The following SASH1 variants were observed in gnomAD, a reference collection of about 807,000 sequenced individuals.
SASH1 encodes SAM and SH3 domain containing 1, also known as SAM and SH3 domain-containing protein 1.
Under a neutral mutation model 125.2 loss-of-function variants are expected in SASH1, and 44 were observed. That is an observed-to-expected ratio of 0.35 (90% CI 0.28 to 0.45). The LOEUF is 0.45. Ranked by LOEUF, SASH1 falls within the 20% of genes least tolerant of loss-of-function variation. The probability of loss-of-function intolerance (pLI) is 1.00; values close to 1 mark genes in which losing one functional copy is unlikely to be tolerated. For missense variants in SASH1, 1,426 were observed against 1,614.5 expected (o/e 0.88, Z 2.00); for synonymous variants, 639 against 649.1 (o/e 0.98, Z 0.24).
intron 1 of SASH1, among the ~76,000 whole-genome samples, chr6:148,326,376 A>ATATATATATATATATACATTCTTTTCTT (rs1582968893): frequency 5.2e-5 from 2 of 38,316 alleles, no homozygotes; most frequent in African/African-American, 1.7e-4. Flanking sequence ...ATATATATAC[A>ATATATATATATATATACATTCTTTTCTT]TTCTTTTCTT....
chr6:148,239,704 CT>C, the SASH1 span, among the ~76,000 whole-genome samples: 118,683 of 146,974 alleles, frequency 0.81, 48,032 homozygotes, highest in African/African-American at 0.91. Context: ...TATAGATCGG[CT>C]TTTTTTTTTT....
At chr6:148,310,899 G>A (rs1780308050) in intron 1 of SASH1, among the ~76,000 whole-genome samples, 2 of 152,076 alleles carry the variant, frequency 1.3e-5, no homozygotes, top group African/African-American at 4.8e-5. Flanking sequence ...ATAGAAAATG[G>A]TGTAGAAAGT....
intron 1 of SASH1, among the ~76,000 whole-genome samples, chr6:148,388,412 G>C (rs1160960757): frequency 1.3e-5 from 2 of 152,214 alleles, no homozygotes; most frequent in Admixed American, 6.5e-5. Flanking sequence ...TGTCAGTCCA[G>C]GCTGTGGGCT....
the SASH1 span, among the ~76,000 whole-genome samples, chr6:148,244,167 C>G: frequency 2.6e-5 from 4 of 152,194 alleles, no homozygotes; most frequent in Admixed American, 2.6e-4. Flanking sequence ...ACCATCTTCC[C>G]CCTTTCCCAG....
At chr6:148,530,117 T>A (rs1184104631) in intron 12 of SASH1, among the ~76,000 whole-genome samples, 1 of 152,164 alleles carries the variant, frequency 6.6e-6, no homozygotes, top group African/African-American at 2.4e-5. Context: ...TGTGTTTTTT[T>A]AAAAAAACTT....
At chr6:148,369,971 A>AAAAAAAAAAAAAAAAAAAG in intron 1 of SASH1, among the ~76,000 whole-genome samples, 1 of 148,944 alleles carries the variant, frequency 6.7e-6, no homozygotes, top group African/African-American at 2.4e-5. Context: ...AAAAACAAAA[A>AAAAAAAAAAAAAAAAAAAG]AAAAAAAAAA....
chr6:148,421,166 A>G (rs191435376), intron 2 of SASH1, among the ~76,000 whole-genome samples: 1,623 of 109,372 alleles, frequency 0.015, 37 homozygotes, highest in South Asian at 0.023. Context: ...AGAAAGAAAG[A>G]AAGAAAGAAA....
intron 1 of SASH1, among the ~76,000 whole-genome samples, chr6:148,344,566 A>G (rs1335272447): frequency 2.0e-5 from 3 of 152,086 alleles, no homozygotes; most frequent in Non-Finnish European, 4.4e-5. Context: ...ATGTATATAA[A>G]TATGCATGCA....
At chr6:148,322,835 G>A (rs917121759) in intron 1 of SASH1, among the ~76,000 whole-genome samples, 9 of 151,620 alleles carry the variant, frequency 5.9e-5, no homozygotes, top group African/African-American at 1.9e-4. Context: ...TTACACAGAG[G>A]GGTTTCATCC....
At chr6:148,378,775 G>T (rs906595640) in intron 1 of SASH1, among the ~76,000 whole-genome samples, 17 of 152,226 alleles carry the variant, frequency 1.1e-4, no homozygotes, top group African/African-American at 4.1e-4. Flanking sequence ...TCACTGTTCA[G>T]CCTCTTCCAT....
the SASH1 span, among the ~76,000 whole-genome samples, chr6:148,213,914 A>G: frequency 1.3e-5 from 2 of 152,206 alleles, no homozygotes; most frequent in African/African-American, 4.8e-5. Flanking sequence ...ATTATTTTCT[A>G]AAACTAAATG....
chr6:148,312,674 A>T (rs1780363668), intron 1 of SASH1, among the ~76,000 whole-genome samples: 1 of 152,246 alleles, frequency 6.6e-6, no homozygotes, highest in South Asian at 2.1e-4. Flanking sequence ...CTGAATAAAA[A>T]TATGCTCTGA....
chr6:148,269,839 G>A (rs1779022117), upstream of SASH1, among the ~76,000 whole-genome samples: 1 of 152,122 alleles, frequency 6.6e-6, no homozygotes, highest in Non-Finnish European at 1.5e-5. Context: ...AATCATAGCT[G>A]ATAAATGAAA....
At position 148,364,871 on chromosome 6, in the gene SASH1, T is replaced by G. The variant is rs377725796; in HGVS notation, c.156+21648T>G. Reference sequence around the variant, plus strand: ...GGCACAGTGCTTCATGCCTGTAATCTCAGCACTTTGGGAGGCTTAGGAAGA... The same window carrying G: ...GGCACAGTGCTTCATGCCTGTAATCGCAGCACTTTGGGAGGCTTAGGAAGA... On this transcript the variant is annotated intron_variant, in intron 1 of 19. Transcript: ENST00000367467. 6.6e-5 allele frequency among the ~76,000 whole-genome samples: 10 copies of G among 152,212 alleles called. 1 individual carries two copies. Among genetic ancestry groups the G allele is most frequent in the African/African-American group, 1.9e-4 (8 of 41,538 alleles).
At position 148,527,500 on chromosome 6, in the gene SASH1, T is replaced by C; in HGVS notation, c.1332T>C (p.Thr444=). ...ACAAAGAAGTCATCAAATCACCTAC[T>C]GCCTCTCGCATCTCTCTTGGGAAAA... is the stretch of plus-strand genomic sequence containing the variant. ...FVYKEVIKSP[T]ASRISLGKKV... The change falls in exon 12 of 20, where the codon ACT becomes ACC. Residue 444 remains threonine, a synonymous_variant. Coordinates refer to ENST00000367467, the MANE Select transcript of SASH1 (RefSeq NM_015278.5). 2 of 1,610,302 alleles carry C rather than the reference T, an allele frequency of 1.2e-6. No homozygotes were observed. Among genetic ancestry groups the C allele is most frequent in the Non-Finnish European group, 1.7e-6 (2 of 1,178,880 alleles).
intron 2 of SASH1, among the ~76,000 whole-genome samples, chr6:148,402,810 C>T (rs189259648): frequency 6.7e-6 from 1 of 150,364 alleles, no homozygotes; most frequent in South Asian, 2.1e-4. Context: ...AGGGTTTCAC[C>T]ATGTTAGCCA....
chr6:148,197,022 G>A, the SASH1 span, among the ~76,000 whole-genome samples: 1 of 152,220 alleles, frequency 6.6e-6, no homozygotes, highest in East Asian at 1.9e-4. Context: ...AGAGAATGGA[G>A]CAGATCCTGG....
intron 2 of SASH1, among the ~76,000 whole-genome samples, chr6:148,412,857 C>A (rs1314733506): frequency 2.0e-5 from 3 of 152,100 alleles, no homozygotes; most frequent in African/African-American, 7.2e-5. Flanking sequence ...GAGAAAGGGT[C>A]ATAGGAAAAT....
At chr6:148,352,466 A>T (rs755096598) in intron 1 of SASH1, among the ~76,000 whole-genome samples, 15 of 151,956 alleles carry the variant, frequency 9.9e-5, no homozygotes, top group Non-Finnish European at 1.5e-4. Flanking sequence ...GCATAGTGGC[A>T]GGCGCCTGTA....
Sources: allele counts gnomAD v4.1 joint callset (sites outside exome capture counted in the v4.1 genomes callset), GRCh38; gene constraint gnomAD v4.1.1; transcripts MANE v1.5; gene names NCBI Gene and HGNC (gene_info 2026-07-23, HGNC 2026-07-21).